The following ETV4 variants were observed in gnomAD, a reference collection of about 807,000 sequenced individuals.
ETV4 encodes ETS variant transcription factor 4, also known as ETS translocation variant 4.
A neutral mutation model predicts 65.9 loss-of-function variants in ETV4; 42 were observed. That is an observed-to-expected ratio of 0.64 (90% CI 0.50 to 0.82). The LOEUF is 0.82. ETV4 is among the 40% of genes least tolerant of loss of function. The pLI, the probability that ETV4 is intolerant of heterozygous loss-of-function variation, is 0.00. For synonymous variants in ETV4, 238 were observed against 260.0 expected (o/e 0.92, Z 0.81); for missense variants, 583 against 630.3 (o/e 0.92, Z 0.80).
At chr17:43,545,757 A>C in intron 1 of ETV4, 89 bp from the exon 2 acceptor site, 1 of 697,756 alleles carries the variant, frequency 1.4e-6, no homozygotes, top group South Asian at 1.8e-5. Context: ...TCTGGGTCCG[A>C]CGGCGAAACT....
At chr17:43,544,808 G>A (rs569138199) in intron 4 of ETV4, 167 bp downstream of exon 4, 6 of 640,424 alleles carry the variant, frequency 9.4e-6, no homozygotes, top group South Asian at 7.3e-5. Flanking sequence ...TCCACGCTGG[G>A]TGCTGGGGTG....
Position 43,533,246 on chromosome 17 carries a change from G to C in ETV4, c.486C>G (p.Phe162Leu), listed in dbSNP as rs1971048449. Reference sequence around the variant, plus strand: ...GCTGGGAGGTGCCAGAGGATCTCAGGAAATTCCGTTGCTCTGCCCGGGGAA... The same window carrying C: ...GCTGGGAGGTGCCAGAGGATCTCAGCAAATTCCGTTGCTCTGCCCGGGGAA... ...QPFPRAEQRN[F>L]LRSSGTSQPH... The change falls in exon 7 of 13, where the codon TTC becomes TTG. Residue 162 changes from phenylalanine to leucine, a missense_variant. Coordinates refer to ENST00000319349, the MANE Select transcript of ETV4 (RefSeq NM_001079675.5). 4.3e-6 allele frequency: 7 copies of C among 1,614,036 alleles called. No homozygotes were observed. The highest frequency in any genetic ancestry group is 5.1e-6 in the Non-Finnish European group (6 of 1,179,974).
chr17:43,533,658 G>C (rs1183685635), intron 6 of ETV4, among the ~76,000 whole-genome samples: 1 of 152,130 alleles, frequency 6.6e-6, no homozygotes, highest in African/African-American at 2.4e-5. Flanking sequence ...TCTGGCCTCA[G>C]TATATATTCC....
chr17:43,532,595 T>G (rs1040460384), intron 8 of ETV4, 79 bp downstream of exon 8: 1 of 1,335,182 alleles, frequency 7.5e-7, no homozygotes, highest in Non-Finnish European at 1.0e-6. Flanking sequence ...TAAACAGCAA[T>G]GTAAAAAAAC....
intron 5 of ETV4, among the ~76,000 whole-genome samples, chr17:43,535,487 G>A (rs1331004777): frequency 6.6e-6 from 1 of 152,082 alleles, no homozygotes; most frequent in Non-Finnish European, 1.5e-5. Context: ...ATGTTGGCCA[G>A]GTTGGTCTCA....
intron 4 of ETV4, among the ~76,000 whole-genome samples, chr17:43,543,274 A>ACTCTCTCTCTCTCTCT (rs1250640458): frequency 2.4e-5 from 1 of 41,496 alleles, no homozygotes; most frequent in African/African-American, 1.7e-4. Flanking sequence ...TAACACACAC[A>ACTCTCTCTCTCTCTCT]CACTCTCTCT....
rs1414343747 is a variant in ETV4, at chr17:43,530,607, C to CGTGT, written c.812-427_812-426insACAC. 6.2e-3 allele frequency among the ~76,000 whole-genome samples: 861 copies of CGTGT among 138,728 alleles called. 6 individuals are homozygous for CGTGT. Among genetic ancestry groups the CGTGT allele is most frequent in the Non-Finnish European group, 7.2e-3 (441 of 61,176 alleles). The allele number at this position is 138,728 out of a possible 152,430, so 91.0% of individuals were successfully genotyped here. A position where few individuals can be genotyped will look rare whatever the true frequency, so the allele number is the denominator to read the frequency against. ...TCAGGTTCCCAGCCCTGTGCACGCGCGCGTGTGTGTGTGTGTGTGTGTGTG... is the reference window on the plus strand; with the variant it reads ...TCAGGTTCCCAGCCCTGTGCACGCGCGTGTGCGTGTGTGTGTGTGTGTGTGTGTG... On this transcript the variant is annotated intron_variant, in intron 8 of 12. Coordinates refer to ENST00000319349, the MANE Select transcript of ETV4 (RefSeq NM_001079675.5).
Position 43,540,099 on chromosome 17 carries a change from C to T in ETV4, c.203-3620G>A, listed in dbSNP as rs867941709. Among the ~76,000 whole-genome samples, 5 of 152,148 alleles carry T rather than the reference C, an allele frequency of 3.3e-5. No homozygotes were observed. In the South Asian group the frequency reaches 6.2e-4, roughly 19 times the overall value. On this transcript the variant is annotated intron_variant, in intron 4 of 12. Coordinates refer to ENST00000319349, the MANE Select transcript of ETV4 (RefSeq NM_001079675.5). ...ACACATCTTTTCAGGAGCACAAACA[C>T]GGCAAAAAGACAACCATTCCCAAAC...
chr17:43,529,249 C>T lies in ETV4; in HGVS notation c.1129-13G>A. ...AGAGCCTGGCGACCTGGGAACAAAA[C>T]AGTTTTGGGGTAGAGATGCTACCTT... On this transcript the variant is annotated splice_polypyrimidine_tract_variant and intron_variant, in intron 11 of 12. Transcript: ENST00000319349. The T allele has an allele frequency of 6.2e-7, 1 of 1,613,692 alleles. No individual in the cohort carries two copies.
intron 5 of ETV4, among the ~76,000 whole-genome samples, chr17:43,535,306 C>G (rs1271148616): frequency 3.3e-5 from 5 of 152,036 alleles, no homozygotes; most frequent in Non-Finnish European, 7.4e-5. Flanking sequence ...GAGATGGAGC[C>G]TCGCTCTGTC....
chr17:43,545,488 AG>A (rs1370628284), intron 2 of ETV4, 69 bp downstream of exon 2: 3 of 664,934 alleles, frequency 4.5e-6, no homozygotes, highest in African/African-American at 6.4e-5. Flanking sequence ...GACTGCGGGG[AG>A]GGGGGCTGTG....
intron 12 of ETV4, 48 bp downstream of exon 12, chr17:43,529,087 C>G: frequency 6.3e-7 from 1 of 1,579,220 alleles, no homozygotes; most frequent in Non-Finnish European, 8.7e-7. Flanking sequence ...GTCAGCTTCT[C>G]ACAGCCACTG....
chr17:43,529,876 T>G lies in ETV4; in HGVS notation c.955+8A>C. The stretch of plus-strand genomic sequence containing the variant: ...CTTGACCCTCCCATCAACAGTCACT[T>G]CTCTGACCTTCAAATTTCTCAGGGA... On this transcript the variant is annotated splice_region_variant and intron_variant, in intron 10 of 12. Transcript: ENST00000319349. 6.2e-7 allele frequency: 1 copy of G among 1,614,110 alleles called. No individual in the cohort carries two copies. Among genetic ancestry groups the G allele is most frequent in the Non-Finnish European group, 8.5e-7 (1 of 1,179,990 alleles).
At chr17:43,545,934 C>CGTGTGTGTGTGT (rs531139204) in intron 1 of ETV4, 4,489 of 263,312 alleles carry the variant, frequency 0.017, 120 homozygotes, top group Non-Finnish European at 0.021. Context: ...TACATAAGAA[C>CGTGTGTGTGTGT]GTGTGTGTGT....
chr17:43,531,298 A>G (rs534434199), intron 8 of ETV4, among the ~76,000 whole-genome samples: 1 of 152,306 alleles, frequency 6.6e-6, no homozygotes, highest in East Asian at 1.9e-4. Flanking sequence ...GGTTTTCTGG[A>G]CCCTTCCTGG....
At chr17:43,543,018 G>A (rs1041463875) in intron 4 of ETV4, among the ~76,000 whole-genome samples, 4 of 152,110 alleles carry the variant, frequency 2.6e-5, no homozygotes, top group Admixed American at 1.3e-4. Context: ...TTGGGATGGT[G>A]CAGGGGGACA....
At position 43,543,353 on chromosome 17, in the gene ETV4, C is replaced by CG. The variant is rs541080790; in HGVS notation, c.202+1621_202+1622insC. Among the ~76,000 whole-genome samples the CG allele has an allele frequency of 3.6e-3, 555 of 152,120 alleles. 13 individuals are homozygous for CG. The highest frequency in any genetic ancestry group is 0.031 in the Admixed American group (481 of 15,274). ...ACACAGACAGACATTTGTACCCTCTCCAGACCCCTGGCCAAGGGGTGGGAC... is the reference window on the plus strand; with the variant it reads ...ACACAGACAGACATTTGTACCCTCTCGCAGACCCCTGGCCAAGGGGTGGGAC... On this transcript the variant is annotated intron_variant, in intron 4 of 12. Transcript: ENST00000319349.
chr17:43,529,739 C>T, intron 10 of ETV4, 63 bp from the exon 11 acceptor site: 1 of 1,590,492 alleles, frequency 6.3e-7, no homozygotes, highest in Non-Finnish European at 8.6e-7. Flanking sequence ...GCAACCGCCT[C>T]CCACCCGAGG....
At chr17:43,545,511 G>A in intron 2 of ETV4, 47 bp downstream of exon 2, 2 of 1,521,848 alleles carry the variant, frequency 1.3e-6, no homozygotes, top group Non-Finnish European at 1.8e-6. Flanking sequence ...TGAGAGTAGG[G>A]GCTGGGTGCG....
Sources: gnomAD v4.1 joint callset for allele counts (sites outside exome capture counted in the v4.1 genomes callset) on GRCh38, gnomAD v4.1.1 for gene constraint, MANE v1.5 for transcripts, NCBI Gene and HGNC (gene_info 2026-07-23, HGNC 2026-07-21) for gene names.